The following PALLD variants were observed in gnomAD, a reference collection of about 807,000 sequenced individuals.
PALLD encodes palladin.
In PALLD, 61 loss-of-function variants were observed where a neutral mutation model predicts 123.5. The observed-to-expected ratio is 0.49, with a 90% confidence interval of 0.40 to 0.61. PALLD has a LOEUF of 0.61. Ranked by LOEUF, PALLD falls within the 20% of genes least tolerant of loss-of-function variation. The probability of loss-of-function intolerance (pLI) is 0.00; values close to 1 mark genes in which losing one functional copy is unlikely to be tolerated. For missense variants in PALLD, 1,273 were observed against 1,377.0 expected, an observed-to-expected ratio of 0.92 and a Z score of 1.20; for synonymous variants, 465 against 496.4, an observed-to-expected ratio of 0.94 and a Z score of 0.84.
At chr4:168,613,848 C>G (rs1773965480) in intron 2 of PALLD, among the ~76,000 whole-genome samples, 1 of 152,144 alleles carries the variant, frequency 6.6e-6, no homozygotes, top group African/African-American at 2.4e-5. Context: ...TATTTAAAAA[C>G]ATGGTAGTGG....
Position 168,793,376 on chromosome 4 carries a change from A to ATATATGTGTGCATATATATCG in PALLD, c.1964+81453_1964+81454insTATATGTGTGCATATATATCG, listed in dbSNP as rs1737918608. Among the ~76,000 whole-genome samples the ATATATGTGTGCATATATATCG allele has an allele frequency of 7.2e-5, 6 of 83,726 alleles. 2 individuals are homozygous for ATATATGTGTGCATATATATCG. The highest frequency in any genetic ancestry group is 2.4e-4 in the African/African-American group (6 of 25,262). The allele number at this position is 83,726 out of a possible 152,430, so 54.9% of individuals were successfully genotyped here. A position where few individuals can be genotyped will look rare whatever the true frequency, so the allele number is the denominator to read the frequency against. On this transcript the variant is annotated intron_variant, in intron 10 of 21. Coordinates refer to ENST00000505667, the MANE Select transcript of PALLD (RefSeq NM_001166108.2). ...ATACATATATGTGTGCATATATATC[A>ATATATGTGTGCATATATATCG]CATATATATACACACACATACATAT...
intron 8 of PALLD, among the ~76,000 whole-genome samples, chr4:168,693,113 A>G (rs182536686): frequency 3.4e-4 from 50 of 147,700 alleles, no homozygotes; most frequent in African/African-American, 1.2e-3. Flanking sequence ...CGCGCCCTGC[A>G]TCTTCATCAC....
At chr4:168,616,519 C>T (rs988625641) in intron 2 of PALLD, among the ~76,000 whole-genome samples, 3 of 152,100 alleles carry the variant, frequency 2.0e-5, no homozygotes, top group Non-Finnish European at 4.4e-5. Flanking sequence ...AGGGGAGAAA[C>T]AGATGGAATT....
At chr4:168,831,212 T>TAA (rs1744156939) in intron 10 of PALLD, among the ~76,000 whole-genome samples, 1 of 152,370 alleles carries the variant, frequency 6.6e-6, no homozygotes, top group African/African-American at 2.4e-5. Flanking sequence ...GCCCACAATC[T>TAA]GTCACAAATT....
At position 168,510,012 on chromosome 4, in the gene PALLD, C is replaced by T. The variant is rs138392253; in HGVS notation, c.-82-1411C>T. Among the ~76,000 whole-genome samples, 903 of 152,274 alleles carry T rather than the reference C, an allele frequency of 5.9e-3. 6 individuals are homozygous for T. Among genetic ancestry groups the T allele is most frequent in the African/African-American group, 0.02 (851 of 41,554 alleles). ...CTCAATTCAGTCCTCTGAAGACACACCATTTCTGGGGAATGTCCCACCAAG... is the reference window on the plus strand; with the variant it reads ...CTCAATTCAGTCCTCTGAAGACACATCATTTCTGGGGAATGTCCCACCAAG... On this transcript the variant is annotated intron_variant, in intron 1 of 21. Coordinates refer to ENST00000505667, the MANE Select transcript of PALLD (RefSeq NM_001166108.2).
chr4:168,543,608 A>T (rs1485434183), intron 2 of PALLD, among the ~76,000 whole-genome samples: 1 of 152,166 alleles, frequency 6.6e-6, no homozygotes, highest in Non-Finnish European at 1.5e-5. Flanking sequence ...TTTGAAAATG[A>T]GCTACATATT....
intron 15 of PALLD, among the ~76,000 whole-genome samples, chr4:168,905,487 T>C (rs1040645562): frequency 2.0e-5 from 3 of 152,138 alleles, no homozygotes; most frequent in Non-Finnish European, 1.5e-5. Context: ...ATAAAGTTTA[T>C]TCAAGGTTTA....
At chr4:168,813,783 T>TA (rs1172506124) in intron 10 of PALLD, among the ~76,000 whole-genome samples, 2 of 152,304 alleles carry the variant, frequency 1.3e-5, no homozygotes, top group East Asian at 3.9e-4. Context: ...GGATATATTT[T>TA]AAATGGTAAA....
At chr4:168,720,578 G>A (rs934235481) in intron 10 of PALLD, among the ~76,000 whole-genome samples, 2 of 152,138 alleles carry the variant, frequency 1.3e-5, no homozygotes, top group Admixed American at 6.5e-5. Flanking sequence ...GAGTAGTCAC[G>A]GGTCCTAATT....
intron 2 of PALLD, among the ~76,000 whole-genome samples, chr4:168,584,179 C>A (rs1228362456): frequency 1.3e-5 from 2 of 151,120 alleles, no homozygotes; most frequent in Non-Finnish European, 2.9e-5. Flanking sequence ...CAGGTAAAAT[C>A]TAGCACCAGC....
intron 2 of PALLD, among the ~76,000 whole-genome samples, chr4:168,655,103 A>G (rs17542155): frequency 0.035 from 5,354 of 152,284 alleles, 144 homozygotes; most frequent in Non-Finnish European, 0.054. Context: ...CTAAGAATAT[A>G]ATTCCTTCTA....
chr4:168,634,364 G>C (rs1276554228), intron 2 of PALLD, among the ~76,000 whole-genome samples: 1 of 152,182 alleles, frequency 6.6e-6, no homozygotes, highest in East Asian at 1.9e-4. Context: ...GGATACAGTG[G>C]TTTTTCTGTA....
chr4:168,911,929 G>A (rs1759048842), intron 15 of PALLD, among the ~76,000 whole-genome samples: 1 of 152,034 alleles, frequency 6.6e-6, no homozygotes, highest in Non-Finnish European at 1.5e-5. Context: ...TCTTTGTGAT[G>A]ACCTCTCTTT....
chr4:168,670,769 A>C lies in PALLD; in HGVS notation c.1087+2401A>C, dbSNP rs1396890926. On this transcript the variant is annotated intron_variant, in intron 3 of 21. Transcript: ENST00000505667. Reference sequence around the variant, plus strand: ...AAACAAAAAAAACAAAAAAAACAAAAAAAAACAAAAAAAAAAAAACAAAAA... The same window carrying C: ...AAACAAAAAAAACAAAAAAAACAAACAAAAACAAAAAAAAAAAAACAAAAA... Among the ~76,000 whole-genome samples the C allele has an allele frequency of 9.2e-5, 6 of 65,378 alleles. 1 individual carries two copies. Among genetic ancestry groups the C allele is most frequent in the African/African-American group, 3.8e-4 (4 of 10,558 alleles). The allele number at this position is 65,378 out of a possible 152,430, so 42.9% of individuals were successfully genotyped here. A position where few individuals can be genotyped will look rare whatever the true frequency, so the allele number is the denominator to read the frequency against.
At chr4:168,910,665 G>C (rs1285404446) in intron 15 of PALLD, among the ~76,000 whole-genome samples, 1 of 152,084 alleles carries the variant, frequency 6.6e-6, no homozygotes, top group Non-Finnish European at 1.5e-5. Context: ...GAACCCATTA[G>C]GTATTAACTA....
chr4:168,558,369 A>C (rs1767535620), intron 2 of PALLD, among the ~76,000 whole-genome samples: 1 of 152,224 alleles, frequency 6.6e-6, no homozygotes, highest in African/African-American at 2.4e-5. Flanking sequence ...CTCAGGCAGG[A>C]GTCAGGCGCC....
intron 10 of PALLD, among the ~76,000 whole-genome samples, chr4:168,816,817 CGTGTGTGT>C (rs61010592): frequency 0.16 from 17,579 of 110,652 alleles, 1,540 homozygotes; most frequent in Middle Eastern, 0.2. Flanking sequence ...GAGCTAGCCC[CGTGTGTGT>C]GTGTGTGTGT....
intron 10 of PALLD, among the ~76,000 whole-genome samples, chr4:168,746,595 T>C (rs1416015704): frequency 6.6e-6 from 1 of 152,040 alleles, no homozygotes; most frequent in Non-Finnish European, 1.5e-5. Context: ...CCGTTCTCCA[T>C]TCTGGTTAAC....
At chr4:168,748,113 T>C (rs1201934027) in intron 10 of PALLD, among the ~76,000 whole-genome samples, 1 of 152,198 alleles carries the variant, frequency 6.6e-6, no homozygotes. Flanking sequence ...AATAATCAAA[T>C]ATTTGAAAAA....
Sources: gnomAD v4.1 joint callset for allele counts (sites outside exome capture counted in the v4.1 genomes callset) on GRCh38, gnomAD v4.1.1 for gene constraint, MANE v1.5 for transcripts, NCBI Gene and HGNC (gene_info 2026-07-23, HGNC 2026-07-21) for gene names.